STYX: variants seen among roughly 807,000 people sequenced by gnomAD.
The protein encoded by STYX is serine/threonine/tyrosine interacting protein, also known as serine/threonine/tyrosine-interacting protein.
Under a neutral mutation model 42.7 loss-of-function variants are expected in STYX, and 20 were observed. The observed-to-expected ratio is 0.47, with a 90% CI of 0.33 to 0.68. The LOEUF is 0.68. Among genes scored for constraint, STYX ranks in the 30% least tolerant of loss-of-function variants. The pLI is 0.02. For missense variants in STYX, 226 were observed against 268.5 expected, an observed-to-expected ratio of 0.84 and a Z score of 1.11; for synonymous variants, 78 against 81.9, an observed-to-expected ratio of 0.95 and a Z score of 0.26.
intron 9 of STYX, among the ~76,000 whole-genome samples, chr14:52,766,424 C>T (rs1882303174): frequency 6.6e-6 from 1 of 152,106 alleles, no homozygotes; most frequent in Admixed American, 6.6e-5. Context: ...CTGCCTCGGC[C>T]TCCCAAAGTG....
intron 1 of STYX, among the ~76,000 whole-genome samples, chr14:52,741,444 G>C (rs181902672): frequency 6.6e-6 from 1 of 151,906 alleles, no homozygotes; most frequent in Non-Finnish European, 1.5e-5. Flanking sequence ...AGTTTCGTGT[G>C]TGTGTGTATG....
intron 8 of STYX, among the ~76,000 whole-genome samples, chr14:52,758,632 G>A (rs1314124554): frequency 1.3e-5 from 2 of 152,128 alleles, no homozygotes; most frequent in African/African-American, 4.8e-5. Flanking sequence ...CTGGAGTGCA[G>A]TGGTGCGATC....
rs1286347584 is a variant in STYX at position 52,773,433 on chromosome 14, G to A, written c.*2327G>A. ...GCTCACTGCAACCTCCACCTCCTGG[G>A]TTCAAGTGATTTTCCTGCCTCAGCC... is the stretch of plus-strand genomic sequence containing the variant. On this transcript the variant is annotated 3_prime_UTR_variant, in exon 11 of 11. Transcript: ENST00000354586. 2.0e-5 allele frequency: 3 copies of A among 151,820 alleles called. No individual in the cohort carries two copies. The highest frequency in any genetic ancestry group is 7.3e-5 in the African/African-American group (3 of 41,300). 9.4% of individuals were successfully genotyped at this position (151,820 alleles called of 1,614,324 possible).
Position 52,772,541 on chromosome 14 carries a change from A to G in STYX, c.*1435A>G, listed in dbSNP as rs967792742. 4 of 152,578 alleles carry G rather than the reference A, an allele frequency of 2.6e-5. No homozygotes were observed. Among genetic ancestry groups the G allele is most frequent in the African/African-American group, 7.2e-5 (3 of 41,438 alleles). The allele number at this position is 152,578 out of a possible 1,614,324, so 9.5% of individuals were successfully genotyped here. On this transcript the variant is annotated 3_prime_UTR_variant, in exon 11 of 11. Transcript: ENST00000354586. ...GATGACTTTAGGGTAGCACAAACAA[A>G]ACTCCTTTGTATCTAACTTTTCTCA... is the stretch of plus-strand genomic sequence containing the variant.
chr14:52,752,454 ACT>A (rs1318519239), intron 4 of STYX, among the ~76,000 whole-genome samples: 2 of 151,968 alleles, frequency 1.3e-5, no homozygotes, highest in Admixed American at 6.6e-5. Context: ...ACAGAGCAAG[ACT>A]CTGTCTCAAA....
At chr14:52,761,725 C>A (rs539365023) in intron 9 of STYX, among the ~76,000 whole-genome samples, 3 of 151,238 alleles carry the variant, frequency 2.0e-5, no homozygotes, top group African/African-American at 7.3e-5. Flanking sequence ...CGTGCCACCA[C>A]GCCCAGGTAA....
At chr14:52,763,289 AAATAATATCTTGTACTTT>A (rs1594881231) in intron 9 of STYX, among the ~76,000 whole-genome samples, 2 of 152,158 alleles carry the variant, frequency 1.3e-5, no homozygotes, top group Admixed American at 6.5e-5. Flanking sequence ...GAATTAAGGA[AAATAATATCTTGTACTTT>A]AATATCTTTT....
chr14:52,738,378 C>A (rs534844378), intron 1 of STYX, among the ~76,000 whole-genome samples: 2 of 152,226 alleles, frequency 1.3e-5, no homozygotes, highest in South Asian at 4.1e-4. Flanking sequence ...GAGAGTCTTT[C>A]ATGTTGTATT....
rs140616503 is a variant in STYX at position 52,752,343 on chromosome 14, T to G, written c.242+1563T>G. Among the ~76,000 whole-genome samples, 652 of 151,888 alleles carry G rather than the reference T, an allele frequency of 4.3e-3. 5 individuals carry two copies. The highest frequency in any genetic ancestry group is 0.015 in the African/African-American group (615 of 41,376). ...ATCTGGGCGTGGTGGCACATGCCTGTAGTCCCAGCTACTCAGGAGGCTGAG... is the reference window on the plus strand; with the variant it reads ...ATCTGGGCGTGGTGGCACATGCCTGGAGTCCCAGCTACTCAGGAGGCTGAG... On this transcript the variant is annotated intron_variant, in intron 4 of 10. Transcript: ENST00000354586.
rs1222819088 is a variant in STYX, at chr14:52,772,163, T to C, written c.*1057T>C. On this transcript the variant is annotated 3_prime_UTR_variant, in exon 11 of 11. Coordinates refer to ENST00000354586, the MANE Select transcript of STYX (RefSeq NM_145251.4). ...TTTCCTTTCTTTTTAAACCATAAAT[T>C]AGTTTAAACTGAAAGTACGAGGCTG... is the stretch of plus-strand genomic sequence containing the variant. The C allele has an allele frequency of 6.6e-6, 1 of 152,168 alleles. No individual in the cohort carries two copies. The highest frequency in any genetic ancestry group is 1.9e-4 in the East Asian group (1 of 5,206). 9.4% of individuals were successfully genotyped at this position (152,168 alleles called of 1,614,324 possible).
Position 52,757,340 on chromosome 14 carries a change from A to G in STYX, c.325A>G (p.Ser109Gly). ...CCAGACTAAGGAATTTATTGATGGG[A>G]GCTTACAAATGGGAGGTAAATAACA... Reference protein sequence around the residue: ...FPMTKEFIDGSLQMGGKVLVH... With the variant: ...FPMTKEFIDGGLQMGGKVLVH... Residue 109 changes from serine (S) to glycine (G), a missense_variant, in exon 6 of 11, where the codon AGC becomes GGC. Transcript: ENST00000354586. 2 of 1,607,066 alleles carry G rather than the reference A, an allele frequency of 1.2e-6. No homozygotes were observed.
intron 1 of STYX, among the ~76,000 whole-genome samples, chr14:52,740,954 T>TA (rs1362860736): frequency 6.6e-6 from 1 of 152,184 alleles, no homozygotes; most frequent in Admixed American, 6.5e-5. Context: ...CAACATAGAT[T>TA]AGTTTTCCTT....
chr14:52,733,482 C>T (rs953970177), intron 1 of STYX, among the ~76,000 whole-genome samples: 75 of 152,204 alleles, frequency 4.9e-4, no homozygotes, highest in Admixed American at 4.2e-3. Flanking sequence ...GGCTCAGTCC[C>T]GCAAGGCTGC....
chr14:52,761,724 A>G (rs754889364), intron 9 of STYX, among the ~76,000 whole-genome samples: 1 of 146,886 alleles, frequency 6.8e-6, no homozygotes, highest in Non-Finnish European at 1.5e-5. Flanking sequence ...ACGTGCCACC[A>G]CGCCCAGGTA....
rs1404241212 is a variant in STYX, at chr14:52,757,173, G to C, written c.304-146G>C. On this transcript the variant is annotated intron_variant, in intron 5 of 10. Coordinates refer to ENST00000354586, the MANE Select transcript of STYX (RefSeq NM_145251.4). The stretch of plus-strand genomic sequence containing the variant: ...CTTTAATTTTTTTGGACTTGTAATA[G>C]TTCTATTTATAGCATTTTGGAAATT... The C allele has an allele frequency of 1.9e-5, 11 of 589,190 alleles. No individual in the cohort carries two copies. The East Asian group carries it at 3.6e-4, about 19-fold the overall frequency. The allele number at this position is 589,190 out of a possible 1,614,324, so 36.5% of individuals were successfully genotyped here. A position where few individuals can be genotyped will look rare whatever the true frequency, so the allele number is the denominator to read the frequency against.
Position 52,730,481 on chromosome 14 carries a change from G to C in STYX, c.7G>C (p.Asp3His). ME[D>H]VKLEFPSLPQ... Reference sequence around the variant, plus strand: ...CAGCCCGCGGGCCAGCACCATGGAGGACGTGAAGCTGGAGTTCCCTTCCCT... The same window carrying C: ...CAGCCCGCGGGCCAGCACCATGGAGCACGTGAAGCTGGAGTTCCCTTCCCT... Residue 3 changes from aspartate to histidine, a missense_variant, in exon 1 of 11, where the codon GAC (aspartate) becomes CAC (histidine). Transcript: ENST00000354586. 6.2e-7 allele frequency: 1 copy of C among 1,613,746 alleles called. No individual in the cohort carries two copies. Among genetic ancestry groups the C allele is most frequent in the South Asian group, 1.1e-5 (1 of 90,982 alleles).
intron 1 of STYX, among the ~76,000 whole-genome samples, chr14:52,737,397 T>C (rs1566668670): frequency 6.6e-6 from 1 of 152,212 alleles, no homozygotes; most frequent in Non-Finnish European, 1.5e-5. Flanking sequence ...CTACCTCATG[T>C]TGATCGAAAG....
At chr14:52,754,356 G>A (rs531364001) in intron 4 of STYX, among the ~76,000 whole-genome samples, 2 of 151,694 alleles carry the variant, frequency 1.3e-5, no homozygotes, top group African/African-American at 4.8e-5. Flanking sequence ...GGGACTACAG[G>A]TGCACCACCG....
At chr14:52,766,546 G>A (rs1340944911) in intron 9 of STYX, among the ~76,000 whole-genome samples, 4 of 152,110 alleles carry the variant, frequency 2.6e-5, no homozygotes, top group Admixed American at 6.5e-5. Flanking sequence ...GGGCTCAAGC[G>A]ATCCTCCCAC....
Sources: gnomAD v4.1 joint callset for allele counts (sites outside exome capture counted in the v4.1 genomes callset) on GRCh38, gnomAD v4.1.1 for gene constraint, MANE v1.5 for transcripts, NCBI Gene and HGNC (gene_info 2026-07-23, HGNC 2026-07-21) for gene names.